The following PDE4DIP variants were observed in gnomAD, a reference collection of about 807,000 sequenced individuals.
The protein encoded by PDE4DIP is phosphodiesterase 4D interacting protein.
In PDE4DIP, 59 loss-of-function variants were observed where a neutral mutation model predicts 221.4. The ratio of observed to expected loss-of-function variants is 0.27; its 90% CI spans 0.22 to 0.33. The LOEUF (loss-of-function observed/expected upper bound fraction) is 0.33. Ranked by LOEUF, PDE4DIP falls within the 10% of genes least tolerant of loss-of-function variation. The pLI, the probability that PDE4DIP is intolerant of heterozygous loss-of-function variation, is 1.00. For missense variants in PDE4DIP, 1,036 were observed against 2,154.2 expected (o/e 0.48, Z 10.28); for synonymous variants, 404 against 815.9 (o/e 0.50, Z 8.60).
At chr1:148,976,322 G>T (rs1468864584) in intron 17 of PDE4DIP, among the ~76,000 whole-genome samples, 3 of 152,144 alleles carry the variant, frequency 2.0e-5, no homozygotes, top group Non-Finnish European at 4.4e-5. Context: ...AGATATTATA[G>T]CCTAGTGGCT....
intron 28 of PDE4DIP, 121 bp from the exon 32 acceptor site, chr1:149,008,322 AC>A (rs2067552244): frequency 2.3e-5 from 1 of 43,044 alleles, no homozygotes; most frequent in East Asian, 1.3e-3. Context: ...TCCCAGAATA[AC>A]TGTTCTGGAT....
At chr1:148,979,411 G>T (rs183509839) in intron 19 of PDE4DIP, among the ~76,000 whole-genome samples, 2 of 152,216 alleles carry the variant, frequency 1.3e-5, no homozygotes, top group East Asian at 3.9e-4. Context: ...AATGAATGAA[G>T]AATACTAGTA....
chr1:148,880,140 TCCTTTTCTTTATCCACATGATGAGGCTG>T (rs1693154568), intron 3 of PDE4DIP, among the ~76,000 whole-genome samples: 1 of 72,122 alleles, frequency 1.4e-5, no homozygotes, highest in Admixed American at 1.4e-4. Flanking sequence ...TCATCTTAAC[TCCTTTTCTTTATCCACATGATGAGGCTG>T]CCTAAGACGG....
chr1:148,973,381 C>T (rs1699785), intron 16 of PDE4DIP, among the ~76,000 whole-genome samples: 11 of 149,684 alleles, frequency 7.3e-5, no homozygotes, highest in South Asian at 2.1e-4. Context: ...CCGCCCTCCT[C>T]GGCCTCCCAA....
At chr1:149,000,802 C>A (rs1285627614) in intron 23 of PDE4DIP, among the ~76,000 whole-genome samples, 1 of 151,100 alleles carries the variant, frequency 6.6e-6, no homozygotes, top group African/African-American at 2.4e-5. Flanking sequence ...GTGTTATCAT[C>A]CTTATTTTAT....
At chr1:148,978,550 C>T (rs1574768044) in intron 19 of PDE4DIP, 135 bp downstream of exon 22, 2 of 578,588 alleles carry the variant, frequency 3.5e-6, no homozygotes, top group East Asian at 2.9e-5. Context: ...GATCCATCCT[C>T]CTCGGCCCCT....
At chr1:148,823,405 G>A (rs1370698371) in intron 1 of PDE4DIP, among the ~76,000 whole-genome samples, 1 of 140,416 alleles carries the variant, frequency 7.1e-6, no homozygotes, top group African/African-American at 2.7e-5. Context: ...CATTTCAAAG[G>A]AGAATCTGGG....
chr1:148,934,429 A>G (rs1355706923), intron 4 of PDE4DIP, among the ~76,000 whole-genome samples: 1 of 152,212 alleles, frequency 6.6e-6, no homozygotes, highest in Non-Finnish European at 1.5e-5. Flanking sequence ...GGAGAGTAGG[A>G]GAACAGATCC....
chr1:149,023,959 A>C (rs1441784455), intron 37 of PDE4DIP, among the ~76,000 whole-genome samples: 1 of 151,678 alleles, frequency 6.6e-6, no homozygotes, highest in Non-Finnish European at 1.5e-5. Context: ...AAAGAGAGAG[A>C]GAGAAATTGA....
chr1:148,978,474 T>A (rs2060568579), intron 19 of PDE4DIP, 59 bp downstream of exon 22: 4 of 1,226,012 alleles, frequency 3.3e-6, no homozygotes, highest in Admixed American at 4.5e-5. Context: ...ATTCTTTTTT[T>A]TTTTTTTAGT....
At chr1:149,012,651 C>T (rs142480563) in exon 32 of PDE4DIP, 9 of 1,612,592 alleles carry the variant, frequency 5.6e-6, no homozygotes, top group Non-Finnish European at 6.8e-6. Flanking sequence ...TTGCCCTCAG[C>T]TCCATCCAGC....
At chr1:148,977,638 C>T (rs1454059033) in intron 17 of PDE4DIP, among the ~76,000 whole-genome samples, 4 of 152,144 alleles carry the variant, frequency 2.6e-5, no homozygotes, top group African/African-American at 9.6e-5. Context: ...AACTTCATCT[C>T]TTCTTGCTTC....
At chr1:148,815,164 A>T (rs1427318733) in intron 1 of PDE4DIP, among the ~76,000 whole-genome samples, 1 of 119,684 alleles carries the variant, frequency 8.4e-6, no homozygotes. Context: ...GAAGAGACAA[A>T]GATCCAAACC....
chr1:148,970,057 T>G (rs1374992586), intron 14 of PDE4DIP, among the ~76,000 whole-genome samples: 1 of 151,954 alleles, frequency 6.6e-6, no homozygotes, highest in African/African-American at 2.4e-5. Flanking sequence ...TCCTCAAGGC[T>G]AAAAACTCTT....
At chr1:149,028,640 C>T (rs782789785) in exon 41 of PDE4DIP, 1 of 1,602,852 alleles carries the variant, frequency 6.2e-7, no homozygotes, top group Non-Finnish European at 8.5e-7. Flanking sequence ...CAGCTTCCCT[C>T]CTCACCATGT....
intron 1 of PDE4DIP, among the ~76,000 whole-genome samples, chr1:148,918,652 CA>C (rs2044700858): frequency 3.5e-4 from 22 of 63,422 alleles, no homozygotes; most frequent in Admixed American, 8.3e-4. Context: ...CACACACACA[CA>C]CACACCCTAG....
chr1:148,985,043 A>T (rs2061676391), intron 21 of PDE4DIP: 2 of 152,130 alleles, frequency 1.3e-5, no homozygotes, highest in Non-Finnish European at 2.9e-5. Flanking sequence ...TTAGTAACCC[A>T]CACACTTGAA....
At chr1:148,964,256 G>A (rs1252138072) in intron 9 of PDE4DIP, among the ~76,000 whole-genome samples, 7 of 151,770 alleles carry the variant, frequency 4.6e-5, no homozygotes, top group Admixed American at 2.0e-4. Flanking sequence ...TTACAGGCAT[G>A]CGCCACCACG....
exon 34 of PDE4DIP, chr1:149,017,864 A>G (rs782809107): frequency 2.5e-6 from 4 of 1,613,304 alleles, no homozygotes; most frequent in Non-Finnish European, 3.4e-6. Flanking sequence ...GCTGACCTCT[A>G]CTGCTCGTGG....
Sources: gnomAD v4.1 joint callset for allele counts (sites outside exome capture counted in the v4.1 genomes callset) on GRCh38, gnomAD v4.1.1 for gene constraint, MANE v1.5 for transcripts, NCBI Gene and HGNC (gene_info 2026-07-23, HGNC 2026-07-21) for gene names.